The following CDH18 variants were observed in gnomAD, a reference collection of about 807,000 sequenced individuals.
CDH18 encodes the protein cadherin-18.
Under a neutral mutation model 67.9 loss-of-function variants are expected in CDH18, and 31 were observed. The observed-to-expected ratio is 0.46, with a 90% CI of 0.34 to 0.62. CDH18 has a LOEUF of 0.62. Among genes scored for constraint, CDH18 ranks in the 20% least tolerant of loss-of-function variants. The pLI, the probability that CDH18 is intolerant of heterozygous loss-of-function variation, is 0.01. For synonymous variants in CDH18, 362 were observed against 347.2 expected (o/e 1.04, Z -0.48); for missense variants, 890 against 975.5 (o/e 0.91, Z 1.17).
At chr5:19,558,766 G>A (rs768572844) in intron 8 of CDH18, among the ~76,000 whole-genome samples, 2 of 151,900 alleles carry the variant, frequency 1.3e-5, no homozygotes, top group Non-Finnish European at 2.9e-5. Context: ...CCACAAGACA[G>A]AGAAGGAGAA....
chr5:20,438,837 A>C (rs1399309929), intron 1 of CDH18, among the ~76,000 whole-genome samples: 1 of 151,448 alleles, frequency 6.6e-6, no homozygotes, highest in Non-Finnish European at 1.5e-5. Context: ...CTTTCCTTTA[A>C]TTATAATTTA....
At chr5:19,740,601 A>G (rs1287551277) in intron 4 of CDH18, among the ~76,000 whole-genome samples, 2 of 152,150 alleles carry the variant, frequency 1.3e-5, no homozygotes, top group African/African-American at 4.8e-5. Flanking sequence ...ATGTCTTTGT[A>G]TTATTGCTAA....
Position 20,333,528 on chromosome 5 carries a change from T to TATATAC in CDH18, c.-579-78024_-579-78023insGTATAT, listed in dbSNP as rs1554119394. 5.9e-3 allele frequency among the ~76,000 whole-genome samples: 805 copies of TATATAC among 136,830 alleles called. 4 individuals carry two copies. Among genetic ancestry groups the TATATAC allele is most frequent in the African/African-American group, 0.02 (755 of 37,284 alleles). 89.8% of individuals were successfully genotyped at this position (136,830 alleles called of 152,430 possible). On this transcript the variant is annotated intron_variant, in intron 1 of 14. Coordinates refer to the CDH18 transcript ENST00000507958. Reference sequence around the variant, plus strand: ...CTCAAAAAAAAAAAAACAATATATATACACACACACACACACACACACATA... The same window carrying TATATAC: ...CTCAAAAAAAAAAAAACAATATATATATATACACACACACACACACACACACACATA...
At chr5:20,063,628 C>T (rs1360039116) in intron 2 of CDH18, among the ~76,000 whole-genome samples, 1 of 152,106 alleles carries the variant, frequency 6.6e-6, no homozygotes, top group Admixed American at 6.6e-5. Context: ...TGAAAAGTCC[C>T]TTTGACCATT....
chr5:20,492,715 C>T (rs562281450), intron 1 of CDH18, among the ~76,000 whole-genome samples: 3 of 152,230 alleles, frequency 2.0e-5, no homozygotes, highest in African/African-American at 4.8e-5. Context: ...ACACAATTGA[C>T]ACATACTCAT....
intron 8 of CDH18, among the ~76,000 whole-genome samples, chr5:19,554,901 A>G (rs922576369): frequency 1.3e-5 from 2 of 152,196 alleles, no homozygotes; most frequent in Admixed American, 6.5e-5. Flanking sequence ...TAAGGGGGAA[A>G]AAAAGCAACT....
chr5:19,489,082 G>C (rs1036796414), intron 11 of CDH18, among the ~76,000 whole-genome samples: 90 of 152,096 alleles, frequency 5.9e-4, no homozygotes, highest in African/African-American at 2.0e-3. Flanking sequence ...GATAAATACA[G>C]TGTCCATTGT....
intron 2 of CDH18, among the ~76,000 whole-genome samples, chr5:20,219,129 A>T (rs1192417048): frequency 6.6e-6 from 1 of 152,012 alleles, no homozygotes; most frequent in African/African-American, 2.4e-5. Flanking sequence ...GAGAAGTCCA[A>T]AATAAATAAA....
At chr5:19,761,061 C>G (rs1263245508) in intron 3 of CDH18, among the ~76,000 whole-genome samples, 2 of 152,116 alleles carry the variant, frequency 1.3e-5, no homozygotes, top group Non-Finnish European at 2.9e-5. Flanking sequence ...TTTCAGGGTC[C>G]CCTTCTTTTC....
chr5:19,860,004 G>GTGTGTGTGTGTGTT (rs1340210460), intron 2 of CDH18, among the ~76,000 whole-genome samples: 20 of 151,808 alleles, frequency 1.3e-4, no homozygotes, highest in South Asian at 6.3e-4. Flanking sequence ...GTGTGTGTGT[G>GTGTGTGTGTGTGTT]TGTGTGTGTG....
At chr5:19,915,918 A>G (rs1355626907) in intron 2 of CDH18, among the ~76,000 whole-genome samples, 1 of 152,166 alleles carries the variant, frequency 6.6e-6, no homozygotes, top group Admixed American at 6.5e-5. Flanking sequence ...AACAGAACGT[A>G]TGTGTTGGAC....
intron 2 of CDH18, among the ~76,000 whole-genome samples, chr5:19,876,685 T>TA (rs1452080592): frequency 7.0e-5 from 2 of 28,508 alleles, no homozygotes; most frequent in Admixed American, 2.9e-4. Flanking sequence ...ATGTATGGGA[T>TA]AATGCTTGTC....
chr5:20,524,916 A>G (rs1200684787), intron 1 of CDH18, among the ~76,000 whole-genome samples: 5 of 152,176 alleles, frequency 3.3e-5, no homozygotes, highest in African/African-American at 7.2e-5. Context: ...GAAGAAGAAG[A>G]GAAGATAGCA....
intron 1 of CDH18, among the ~76,000 whole-genome samples, chr5:20,479,854 G>A (rs954365495): frequency 2.6e-5 from 4 of 151,956 alleles, no homozygotes; most frequent in African/African-American, 9.7e-5. Context: ...ATAATCAAAG[G>A]TCATGATAAA....
chr5:19,656,857 C>CCT (rs1268651927), intron 5 of CDH18, among the ~76,000 whole-genome samples: 1 of 150,306 alleles, frequency 6.7e-6, no homozygotes, highest in African/African-American at 2.4e-5. Flanking sequence ...TTACTCTCTC[C>CCT]CTCTCTCTCT....
intron 1 of CDH18, among the ~76,000 whole-genome samples, chr5:20,277,064 T>C (rs540580310): frequency 1.3e-5 from 2 of 152,244 alleles, no homozygotes; most frequent in East Asian, 3.9e-4. Context: ...GGACGACATC[T>C]CTGGACCAGA....
At chr5:19,692,751 G>A (rs1285248009) in intron 5 of CDH18, among the ~76,000 whole-genome samples, 1 of 151,724 alleles carries the variant, frequency 6.6e-6, no homozygotes, top group Admixed American at 6.6e-5. Flanking sequence ...TGAGGATGCA[G>A]AGAATAGGGA....
intron 5 of CDH18, among the ~76,000 whole-genome samples, chr5:19,716,117 C>A (rs886988065): frequency 6.6e-6 from 1 of 152,058 alleles, no homozygotes; most frequent in Non-Finnish European, 1.5e-5. Context: ...CCGCTCCCAG[C>A]CTCTTGTCAA....
chr5:20,442,356 A>T (rs935658336), intron 1 of CDH18, among the ~76,000 whole-genome samples: 1 of 151,990 alleles, frequency 6.6e-6, no homozygotes, highest in African/African-American at 2.4e-5. Context: ...AACCGTAAAT[A>T]AACTACTTAT....
Sources: gnomAD v4.1 joint callset for allele counts (sites outside exome capture counted in the v4.1 genomes callset) on GRCh38, gnomAD v4.1.1 for gene constraint, MANE v1.5 for transcripts, NCBI Gene and HGNC (gene_info 2026-07-23, HGNC 2026-07-21) for gene names.